Variants in PRRX1 observed in about 807,000 individuals in gnomAD.
The protein encoded by PRRX1 is paired mesoderm homeobox protein 1.
Under a neutral mutation model 24.0 loss-of-function variants are expected in PRRX1, and 8 were observed. That is an observed-to-expected ratio of 0.33 (90% CI 0.20 to 0.60). The LOEUF is 0.60. Ranked by LOEUF, PRRX1 falls within the 20% of genes least tolerant of loss-of-function variation. The pLI is 0.82. For missense variants in PRRX1, 281 were observed against 322.4 expected (o/e 0.87, Z 0.98); for synonymous variants, 160 against 131.7 (o/e 1.22, Z -1.47).
intron 3 of PRRX1, among the ~76,000 whole-genome samples, chr1:170,734,173 T>G (rs1655529383): frequency 6.6e-6 from 1 of 151,952 alleles, no homozygotes; most frequent in South Asian, 2.1e-4. Flanking sequence ...ATTAAGATAG[T>G]AAAATTGGCA....
At chr1:170,721,926 T>G (rs114497784) in intron 2 of PRRX1, among the ~76,000 whole-genome samples, 9 of 151,606 alleles carry the variant, frequency 5.9e-5, no homozygotes, top group African/African-American at 1.9e-4. Flanking sequence ...TTTGCTATGG[T>G]GATCTAAATT....
intron 1 of PRRX1, among the ~76,000 whole-genome samples, chr1:170,688,001 A>C (rs1173558828): frequency 6.6e-6 from 1 of 152,208 alleles, no homozygotes; most frequent in Non-Finnish European, 1.5e-5. Context: ...GCTAATCATC[A>C]AGAATATTTT....
At chr1:170,695,116 A>G (rs962319432) in intron 1 of PRRX1, among the ~76,000 whole-genome samples, 1 of 152,148 alleles carries the variant, frequency 6.6e-6, no homozygotes, top group African/African-American at 2.4e-5. Context: ...GATTTGCAAG[A>G]TATCCGATGT....
chr1:170,694,739 G>A (rs1654109787), intron 1 of PRRX1, among the ~76,000 whole-genome samples: 1 of 152,152 alleles, frequency 6.6e-6, no homozygotes, highest in African/African-American at 2.4e-5. Flanking sequence ...AAACTTTACT[G>A]ATTTCCCTTT....
At chr1:170,675,001 C>A (rs111338899) in intron 1 of PRRX1, among the ~76,000 whole-genome samples, 1,602 of 152,246 alleles carry the variant, frequency 0.011, 14 homozygotes, top group Non-Finnish European at 0.018. Flanking sequence ...AAAGTTTTAA[C>A]CCCATTTTCA....
At chr1:170,684,539 G>C (rs1337510125) in intron 1 of PRRX1, among the ~76,000 whole-genome samples, 1 of 152,208 alleles carries the variant, frequency 6.6e-6, no homozygotes, top group Non-Finnish European at 1.5e-5. Context: ...GATCACTAGA[G>C]GTTAGGAGTT....
intron 2 of PRRX1, among the ~76,000 whole-genome samples, chr1:170,723,578 G>C (rs1202913660): frequency 7.2e-5 from 11 of 152,192 alleles, no homozygotes; most frequent in Non-Finnish European, 1.6e-4. Context: ...AGAGTTGTAT[G>C]ATCATGAATT....
At chr1:170,728,464 T>C (rs966463731) in intron 3 of PRRX1, 1 of 152,242 alleles carries the variant, frequency 6.6e-6, no homozygotes. Context: ...CAATGTTTTA[T>C]ATAGATGTAG....
intron 1 of PRRX1, among the ~76,000 whole-genome samples, chr1:170,692,431 T>C (rs1654019554): frequency 6.6e-6 from 1 of 152,132 alleles, no homozygotes. Context: ...TGACATATTT[T>C]ACAATGTAGC....
chr1:170,719,494 G>T (rs1489689860), intron 1 of PRRX1, among the ~76,000 whole-genome samples: 2 of 152,204 alleles, frequency 1.3e-5, no homozygotes, highest in Admixed American at 6.5e-5. Flanking sequence ...TTCAGATCTT[G>T]TCCCAGATTT....
intron 1 of PRRX1, among the ~76,000 whole-genome samples, chr1:170,686,527 A>C (rs1481375411): frequency 6.6e-6 from 1 of 152,170 alleles, no homozygotes; most frequent in African/African-American, 2.4e-5. Context: ...CAATTCTGAC[A>C]CTGATTCAAA....
Position 170,726,399 on chromosome 1 carries a change from C to T in PRRX1, c.597C>T (p.Tyr199=). The stretch of plus-strand genomic sequence containing the variant: ...TCTCCTGGGGGACAGCGTCTCCGTA[C>T]AGGTGAATGACTGGCCCACTCTCCC... ...DYLSWGTASP[Y]SAMATYSATC... Residue 199 remains tyrosine (Y), a splice_region_variant and synonymous_variant, in exon 3 of 4, where the codon TAC becomes TAT. Coordinates refer to ENST00000239461, the MANE Select transcript of PRRX1 (RefSeq NM_022716.4). 2 of 1,613,828 alleles carry T rather than the reference C, an allele frequency of 1.2e-6. No individual in the cohort carries two copies. Among genetic ancestry groups the T allele is most frequent in the Non-Finnish European group, 8.5e-7 (1 of 1,179,734 alleles).
intron 1 of PRRX1, among the ~76,000 whole-genome samples, chr1:170,704,855 C>G (rs1331734545): frequency 6.6e-6 from 1 of 152,180 alleles, no homozygotes; most frequent in Non-Finnish European, 1.5e-5. Context: ...GGGGCATCAT[C>G]TTGGGATCAA....
chr1:170,699,055 G>T (rs954681201), intron 1 of PRRX1, among the ~76,000 whole-genome samples: 3 of 152,188 alleles, frequency 2.0e-5, no homozygotes, highest in Non-Finnish European at 4.4e-5. Context: ...GCTTTTAAAG[G>T]TTGTAATTTC....
At chr1:170,663,983 C>A (rs1652815032), upstream of PRRX1, 2 of 516,504 alleles carry the variant, frequency 3.9e-6, no homozygotes, top group Non-Finnish European at 6.9e-6. Flanking sequence ...ACCAATGCTG[C>A]GGAAGGCGGC....
chr1:170,689,436 A>G (rs1653854155), intron 1 of PRRX1, among the ~76,000 whole-genome samples: 1 of 152,170 alleles, frequency 6.6e-6, no homozygotes, highest in Non-Finnish European at 1.5e-5. Flanking sequence ...GATTTAGTAG[A>G]AAAGGTTTTA....
intron 1 of PRRX1, among the ~76,000 whole-genome samples, chr1:170,707,733 T>C (rs534262922): frequency 1.8e-4 from 27 of 152,224 alleles, no homozygotes; most frequent in Non-Finnish European, 2.8e-4. Flanking sequence ...CAATGAAACT[T>C]TTACCAATTG....
chr1:170,677,560 T>C (rs1385358502), intron 1 of PRRX1, among the ~76,000 whole-genome samples: 1 of 152,250 alleles, frequency 6.6e-6, no homozygotes, highest in African/African-American at 2.4e-5. Flanking sequence ...TTTAGTGCCA[T>C]TGAAATTAGG....
intron 3 of PRRX1, among the ~76,000 whole-genome samples, chr1:170,733,986 T>C (rs1655523292): frequency 6.6e-6 from 1 of 152,192 alleles, no homozygotes; most frequent in African/African-American, 2.4e-5. Flanking sequence ...AACTTAAACC[T>C]ACCTTAACTG....
Sources: gnomAD v4.1 joint callset for allele counts (sites outside exome capture counted in the v4.1 genomes callset) on GRCh38, gnomAD v4.1.1 for gene constraint, MANE v1.5 for transcripts, NCBI Gene and HGNC (gene_info 2026-07-23, HGNC 2026-07-21) for gene names.